LUZP2: variants seen among roughly 807,000 people sequenced by gnomAD.
LUZP2 encodes the protein leucine zipper protein 2.
In LUZP2, 52 loss-of-function variants were observed where a neutral mutation model predicts 51.6. The ratio of observed to expected loss-of-function variants is 1.01; its 90% CI spans 0.81 to 1.27. LUZP2 has a LOEUF of 1.27. LUZP2 is among the 50% of genes most tolerant of loss of function. The pLI, the probability that LUZP2 is intolerant of heterozygous loss-of-function variation, is 0.00. For synonymous variants in LUZP2, 154 were observed against 137.3 expected, an observed-to-expected ratio of 1.12 and a Z score of -0.85; for missense variants, 436 against 395.4, an observed-to-expected ratio of 1.10 and a Z score of -0.87.
chr11:24,972,418 A>T (rs180847418), intron 7 of LUZP2, among the ~76,000 whole-genome samples: 1 of 152,118 alleles, frequency 6.6e-6, no homozygotes, highest in Non-Finnish European at 1.5e-5. Flanking sequence ...ACTATTATTC[A>T]TCTTTAAAGA....
intron 10 of LUZP2, among the ~76,000 whole-genome samples, chr11:25,058,945 A>G (rs1301829594): frequency 4.6e-5 from 7 of 152,218 alleles, no homozygotes; most frequent in Admixed American, 4.6e-4. Context: ...AAATTCAGTC[A>G]AAAACTATTG....
At chr11:24,584,171 T>C (rs925277) in intron 1 of LUZP2, among the ~76,000 whole-genome samples, 148,945 of 152,210 alleles carry the variant, frequency 0.98, 72,943 homozygotes, top group East Asian at 1. Context: ...GTAGCCTTAT[T>C]GAGATACCAA....
chr11:25,057,012 A>G (rs1166256625), intron 10 of LUZP2, among the ~76,000 whole-genome samples: 1 of 152,172 alleles, frequency 6.6e-6, no homozygotes, highest in Non-Finnish European at 1.5e-5. Context: ...AGGCAGGACA[A>G]TCACTTGAAC....
Position 24,882,760 on chromosome 11 carries a change from G to A in LUZP2, c.397-23231G>A, listed in dbSNP as rs149979363. The stretch of plus-strand genomic sequence containing the variant: ...TCTTCTCATGACTAGGTAACTCATT[G>A]CTTTTTAGTGCAACGGGAGAAGGAA... On this transcript the variant is annotated intron_variant, in intron 5 of 11. Coordinates refer to ENST00000336930, the MANE Select transcript of LUZP2 (RefSeq NM_001009909.4). Among the ~76,000 whole-genome samples, 1,013 of 136,008 alleles carry A rather than the reference G, an allele frequency of 7.4e-3. 14 individuals carry two copies. Among genetic ancestry groups the A allele is most frequent in the East Asian group, 0.071 (292 of 4,122 alleles). 89.2% of individuals were successfully genotyped at this position (136,008 alleles called of 152,430 possible).
At chr11:24,760,420 T>C (rs1390977746) in intron 4 of LUZP2, among the ~76,000 whole-genome samples, 1 of 152,136 alleles carries the variant, frequency 6.6e-6, no homozygotes, top group Non-Finnish European at 1.5e-5. Context: ...GGTGATACCT[T>C]GGTTTTTCTA....
chr11:24,996,385 A>T (rs1414352163), intron 9 of LUZP2, among the ~76,000 whole-genome samples: 1 of 151,516 alleles, frequency 6.6e-6, no homozygotes, highest in Non-Finnish European at 1.5e-5. Flanking sequence ...ATTTTCTAGA[A>T]TGGATCTAAT....
intron 5 of LUZP2, among the ~76,000 whole-genome samples, chr11:24,889,200 T>C (rs1276495254): frequency 6.6e-6 from 1 of 152,194 alleles, no homozygotes; most frequent in Non-Finnish European, 1.5e-5. Context: ...TGTTCTTCCT[T>C]GCTGTTCTTA....
chr11:24,566,288 ATTAT>A lies in LUZP2; in HGVS notation c.62+68989_62+68992del, dbSNP rs1297826888. On this transcript the variant is annotated intron_variant, in intron 1 of 11. Transcript: ENST00000336930. ...AATGACTAGCGATAAAGATTAAAAC[ATTAT>A]TTATTATTTATTTATTTATTGTATT... Among the ~76,000 whole-genome samples, 3 of 149,422 alleles carry A rather than the reference ATTAT, an allele frequency of 2.0e-5. No individual in the cohort carries two copies. In the East Asian group the frequency reaches 5.8e-4, roughly 29 times the overall value.
chr11:24,622,861 C>T (rs1854545193), intron 1 of LUZP2, among the ~76,000 whole-genome samples: 1 of 152,174 alleles, frequency 6.6e-6, no homozygotes, highest in Non-Finnish European at 1.5e-5. Context: ...AACTGCCCAT[C>T]TCTGTCCTCA....
intron 1 of LUZP2, among the ~76,000 whole-genome samples, chr11:24,652,812 T>C (rs1855670205): frequency 6.6e-6 from 1 of 152,156 alleles, no homozygotes; most frequent in Non-Finnish European, 1.5e-5. Flanking sequence ...TTGACAGTTT[T>C]TATGCCTGCC....
intron 9 of LUZP2, among the ~76,000 whole-genome samples, chr11:25,020,904 C>G (rs1415142971): frequency 5.9e-5 from 9 of 151,872 alleles, no homozygotes; most frequent in African/African-American, 2.2e-4. Context: ...ATTAGAAATG[C>G]TACAAACATT....
At chr11:24,989,857 TTC>T (rs765260757) in intron 9 of LUZP2, among the ~76,000 whole-genome samples, 9 of 152,180 alleles carry the variant, frequency 5.9e-5, no homozygotes, top group Non-Finnish European at 1.0e-4. Context: ...GGTCTGGTAG[TTC>T]TAAAATCAGG....
chr11:24,981,582 C>G (rs1856031652), intron 8 of LUZP2, among the ~76,000 whole-genome samples: 1 of 151,778 alleles, frequency 6.6e-6, no homozygotes, highest in Admixed American at 6.6e-5. Context: ...TAAGCCCAGC[C>G]TCTATTCAAG....
chr11:25,019,435 T>G (rs1002452772), intron 9 of LUZP2, among the ~76,000 whole-genome samples: 2 of 152,172 alleles, frequency 1.3e-5, no homozygotes, highest in African/African-American at 2.4e-5. Context: ...TTGAACTATA[T>G]CATATACCAT....
intron 1 of LUZP2, among the ~76,000 whole-genome samples, chr11:24,574,169 CTTTCTTTCTTTCT>C (rs1852531656): frequency 3.7e-5 from 1 of 26,810 alleles, no homozygotes; most frequent in African/African-American, 8.5e-5. Flanking sequence ...TTTCAATTTT[CTTTCTTTCTTTCT>C]TTTCTTTCTT....
At chr11:24,502,649 G>T (rs1379297496) in intron 1 of LUZP2, among the ~76,000 whole-genome samples, 1 of 152,124 alleles carries the variant, frequency 6.6e-6, no homozygotes, top group Non-Finnish European at 1.5e-5. Context: ...ACCTGCCAAA[G>T]TGCTGGGATT....
At chr11:24,969,085 C>T (rs1275325312) in intron 7 of LUZP2, among the ~76,000 whole-genome samples, 1 of 152,060 alleles carries the variant, frequency 6.6e-6, no homozygotes, top group African/African-American at 2.4e-5. Context: ...GTTTGTTGTA[C>T]ATATTATTTT....
At chr11:24,900,851 G>A (rs112378490) in intron 5 of LUZP2, among the ~76,000 whole-genome samples, 1 of 152,294 alleles carries the variant, frequency 6.6e-6, no homozygotes, top group African/African-American at 2.4e-5. Flanking sequence ...GGGGCTGCCT[G>A]ATTTGCAAAT....
chr11:24,898,518 G>A (rs1163163730), intron 5 of LUZP2, among the ~76,000 whole-genome samples: 3 of 152,138 alleles, frequency 2.0e-5, no homozygotes, highest in African/African-American at 7.2e-5. Context: ...CGCTACGCGG[G>A]AGCCTGAGGC....
Sources: gnomAD v4.1 joint callset for allele counts (sites outside exome capture counted in the v4.1 genomes callset) on GRCh38, gnomAD v4.1.1 for gene constraint, MANE v1.5 for transcripts, NCBI Gene and HGNC (gene_info 2026-07-23, HGNC 2026-07-21) for gene names.